KMT5B: variants seen among roughly 807,000 people sequenced by gnomAD.
KMT5B encodes lysine methyltransferase 5B, also known as histone-lysine N-methyltransferase KMT5B.
KMT5B carries 10 observed loss-of-function variants against 83.2 expected under a neutral mutation model. The observed-to-expected ratio is 0.12, with a 90% CI of 0.07 to 0.20. The LOEUF (loss-of-function observed/expected upper bound fraction) is 0.20, where lower values mean the gene tolerates loss of function less well. Ranked by LOEUF, KMT5B falls within the 10% of genes least tolerant of loss-of-function variation. The pLI is 1.00. For synonymous variants in KMT5B, 349 were observed against 388.8 expected (o/e 0.90, Z 1.20); for missense variants, 753 against 1,067.2 (o/e 0.71, Z 4.10).
intron 9 of KMT5B, among the ~76,000 whole-genome samples, chr11:68,167,864 T>C (rs1855462854): frequency 1.3e-5 from 2 of 152,148 alleles, no homozygotes; most frequent in African/African-American, 4.8e-5. Context: ...AACGGTACAT[T>C]GTACTCCTTA....
At chr11:68,213,499 G>C (rs936264378), upstream of KMT5B, 2 of 150,290 alleles carry the variant, frequency 1.3e-5, no homozygotes, top group Non-Finnish European at 3.0e-5. Context: ...ACGGCCGCCC[G>C]TACGAAAACC....
intron 4 of KMT5B, among the ~76,000 whole-genome samples, chr11:68,177,784 G>A (rs111879879): frequency 0.014 from 2,145 of 152,186 alleles, 28 homozygotes; most frequent in Non-Finnish European, 0.022. Flanking sequence ...CTAGTCTGTC[G>A]ACATATGGTG....
In KMT5B at chr11:68,171,469, A is replaced by C; in HGVS notation, c.820+74T>G. ...TTAAAGGAAGATAAAGGTTTGACTG[A>C]GGTTGACAAGGCCATTCTAGCAGTT... On this transcript the variant is annotated intron_variant, in intron 7 of 10. Transcript: ENST00000304363. The surrounding 1 kb of genome is among the most constrained non-coding windows in gnomAD (Gnocchi z 5.1). The C allele has an allele frequency of 2.0e-6, 3 of 1,467,858 alleles. No individual in the cohort carries two copies. The highest frequency in any genetic ancestry group is 2.8e-6 in the Non-Finnish European group (3 of 1,071,552). 90.9% of individuals were successfully genotyped at this position (1,467,858 alleles called of 1,614,324 possible). A position where few individuals can be genotyped will look rare whatever the true frequency, so the allele number is the denominator to read the frequency against.
rs551389671 is a variant in KMT5B at position 68,204,271 on chromosome 11, C to T, written c.-77+8867G>A. Among the ~76,000 whole-genome samples the T allele has an allele frequency of 2.9e-3, 444 of 152,298 alleles. 1 individual carries two copies. Among genetic ancestry groups the T allele is most frequent in the African/African-American group, 0.01 (421 of 41,566 alleles). The stretch of plus-strand genomic sequence containing the variant: ...GCCCCCAAAGACATCGGCTCCTAAT[C>T]TCTGGAGCCTGTGAATGCTACCTTA... On this transcript the variant is annotated intron_variant, in intron 1 of 10. Transcript: ENST00000304363.
In KMT5B at chr11:68,173,103, C is replaced by T. The variant is rs571854379; in HGVS notation, c.653+701G>A. ...TTGCCCAGGCTGGAGTGCAGTGGCG[C>T]GATCTCAGCTCACTATAGCCTCTGT... On this transcript the variant is annotated intron_variant, in intron 6 of 10. Coordinates refer to ENST00000304363, the MANE Select transcript of KMT5B (RefSeq NM_017635.5). Among the ~76,000 whole-genome samples, 360 of 152,188 alleles carry T rather than the reference C, an allele frequency of 2.4e-3. 1 individual carries two copies. The highest frequency in any genetic ancestry group is 3.3e-3 in the Non-Finnish European group (227 of 67,982).
chr11:68,204,611 G>GTTTTTTTTTT (rs34315868), intron 1 of KMT5B, among the ~76,000 whole-genome samples: 2 of 106,150 alleles, frequency 1.9e-5, no homozygotes, highest in Non-Finnish European at 3.7e-5. Context: ...TAAATTTCCG[G>GTTTTTTTTTT]TTTTTTTTTT....
chr11:68,211,692 A>T (rs1860920513), intron 1 of KMT5B, among the ~76,000 whole-genome samples: 1 of 151,982 alleles, frequency 6.6e-6, no homozygotes, highest in Admixed American at 6.6e-5. Flanking sequence ...CAACATTCTC[A>T]CGGGGCCTTT....
Position 68,158,198 on chromosome 11 carries a change from G to A in KMT5B, c.2148C>T (p.Pro716=). The A allele has an allele frequency of 6.2e-7, 1 of 1,614,102 alleles. No individual in the cohort carries two copies. Among genetic ancestry groups the A allele is most frequent in the Non-Finnish European group, 8.5e-7 (1 of 1,180,030 alleles). ...QLILENNSGI[P]KLTLRRRHDS... ...CATGACGCCTACGAAGAGTCAATTTGGGAATCCCAGAGTTATTTTCTAGGA... is the reference window on the plus strand; with the variant it reads ...CATGACGCCTACGAAGAGTCAATTTAGGAATCCCAGAGTTATTTTCTAGGA... The change falls in exon 11 of 11, where the codon CCC becomes CCT. Residue 716 remains proline (P), a synonymous_variant. Coordinates refer to ENST00000304363, the MANE Select transcript of KMT5B (RefSeq NM_017635.5).
chr11:68,185,707 A>G, intron 3 of KMT5B, 74 bp downstream of exon 3: 1 of 1,415,888 alleles, frequency 7.1e-7, no homozygotes, highest in South Asian at 1.5e-5. Flanking sequence ...TTTGAGCAAA[A>G]GTAAAATTAG....
intron 2 of KMT5B, among the ~76,000 whole-genome samples, chr11:68,187,952 T>C (rs1857592035): frequency 6.6e-6 from 1 of 152,124 alleles, no homozygotes; most frequent in African/African-American, 2.4e-5. Context: ...ACACACTGGG[T>C]TTTCCCAACC....
chr11:68,158,770 G>A lies in KMT5B; in HGVS notation c.1576C>T (p.His526Tyr), dbSNP rs1859496711. The A allele has an allele frequency of 6.2e-7, 1 of 1,614,178 alleles. No individual in the cohort carries two copies. ...CAGGGCGAGCTCTCCCCCTGCGAAT[G>A]AGCACCTCTCACAGGATTCTGTCTG... ...EHRQNPVRGA[H>Y]SQGESSPCTY... The change falls in exon 11 of 11, where the codon CAT (histidine) becomes TAT (tyrosine). Residue 526 changes from histidine to tyrosine, a missense_variant. Around this residue, in one of 9 missense-constraint regions of KMT5B, gnomAD observed 397 missense variants for 395.9 expected, o/e 1.00. Transcript: ENST00000304363.
intron 3 of KMT5B, among the ~76,000 whole-genome samples, chr11:68,182,909 G>GT (rs1478359090): frequency 6.6e-6 from 1 of 151,708 alleles, no homozygotes; most frequent in African/African-American, 2.4e-5. Flanking sequence ...GCTAAATTTT[G>GT]TATTTTTAGT....
In KMT5B at chr11:68,155,023, T is replaced by G. The variant is rs1859196007; in HGVS notation, c.*2665A>C. ...TTCAGTACAAGGAATACATTGTATC[T>G]CAAAAGTATTACAACTCAGCAAAAA... is the stretch of plus-strand genomic sequence containing the variant. On this transcript the variant is annotated 3_prime_UTR_variant, in exon 11 of 11. Transcript: ENST00000304363. The G allele has an allele frequency of 6.6e-6, 1 of 152,244 alleles. No individual in the cohort carries two copies. Among genetic ancestry groups the G allele is most frequent in the Admixed American group, 6.5e-5 (1 of 15,280 alleles). 9.4% of individuals were successfully genotyped at this position (152,244 alleles called of 1,614,324 possible).
At chr11:68,167,315 C>T in intron 9 of KMT5B, 137 bp from the exon 10 acceptor site, 1 of 953,866 alleles carries the variant, frequency 1.0e-6, no homozygotes, top group South Asian at 2.3e-5. Context: ...AAACCGAAGA[C>T]TAGAACTCAC....
chr11:68,199,466 G>C (rs567591416), intron 1 of KMT5B, among the ~76,000 whole-genome samples: 1 of 152,166 alleles, frequency 6.6e-6, no homozygotes, highest in African/African-American at 2.4e-5. Flanking sequence ...GGCTGGCGTG[G>C]CTGGGGCAAA....
intron 1 of KMT5B, among the ~76,000 whole-genome samples, chr11:68,197,121 C>A (rs529382627): frequency 6.6e-6 from 1 of 152,066 alleles, no homozygotes; most frequent in Admixed American, 6.5e-5. Flanking sequence ...CAGGTGCGCA[C>A]CACCACACCT....
intron 2 of KMT5B, 146 bp downstream of exon 2, chr11:68,189,771 C>A (rs1857841088): frequency 1.5e-6 from 1 of 672,264 alleles, no homozygotes; most frequent in African/African-American, 1.9e-5. Flanking sequence ...ATTGACACAA[C>A]TTTGAGAGTA....
chr11:68,167,895 G>A (rs1855467329), intron 9 of KMT5B, among the ~76,000 whole-genome samples: 1 of 152,150 alleles, frequency 6.6e-6, no homozygotes, highest in South Asian at 2.1e-4. Context: ...AAGTGGGCCA[G>A]GCATGGTGGC....
At chr11:68,179,803 G>T in intron 4 of KMT5B, 1 of 418,990 alleles carries the variant, frequency 2.4e-6, no homozygotes, top group Non-Finnish European at 3.9e-6. Flanking sequence ...GTGAGGAGTC[G>T]CAGATCAGCT....
Sources: allele counts gnomAD v4.1 joint callset (sites outside exome capture counted in the v4.1 genomes callset), GRCh38; gene constraint gnomAD v4.1.1; regional missense constraint gnomAD v4.1.1; non-coding constraint Gnocchi (gnomAD v3.1); transcripts MANE v1.5; gene names NCBI Gene and HGNC (gene_info 2026-07-23, HGNC 2026-07-21).